The following CORIN variants were observed in gnomAD, a reference collection of about 807,000 sequenced individuals.
The protein encoded by CORIN is corin, serine peptidase, also known as atrial natriuretic peptide-converting enzyme.
In CORIN, 117 loss-of-function variants were observed where a neutral mutation model predicts 125.3. That is an observed-to-expected ratio of 0.93 (90% CI 0.80 to 1.09). The LOEUF is 1.09. CORIN is among the 50% of genes least tolerant of loss of function. CORIN has a pLI of 0.00. For missense variants in CORIN, 1,253 were observed against 1,306.7 expected, an observed-to-expected ratio of 0.96 and a Z score of 0.63; for synonymous variants, 450 against 466.4, an observed-to-expected ratio of 0.96 and a Z score of 0.45.
chr4:47,634,578 G>A (rs1283270277), intron 16 of CORIN, among the ~76,000 whole-genome samples: 1 of 152,284 alleles, frequency 6.6e-6, no homozygotes, highest in South Asian at 2.1e-4. Context: ...AGGTTGCAGT[G>A]AGCCAAGATC....
intron 13 of CORIN, among the ~76,000 whole-genome samples, chr4:47,648,346 C>G (rs9996697): frequency 0.14 from 20,908 of 152,096 alleles, 1,933 homozygotes; most frequent in East Asian, 0.47. Flanking sequence ...CCAAAAAAGT[C>G]ACCAACTCAC....
At chr4:47,625,355 TATAAG>T (rs1320141104) in intron 17 of CORIN, among the ~76,000 whole-genome samples, 5 of 152,172 alleles carry the variant, frequency 3.3e-5, no homozygotes, top group African/African-American at 7.2e-5. Context: ...ATTGCAGTTA[TATAAG>T]ATAACACTTG....
intron 2 of CORIN, among the ~76,000 whole-genome samples, chr4:47,796,104 C>A (rs1731277249): frequency 6.6e-6 from 1 of 152,052 alleles, no homozygotes; most frequent in Non-Finnish European, 1.5e-5. Context: ...ATCCAGCAAT[C>A]CCACTTCTGG....
chr4:47,597,188 C>A (rs1279162269), intron 21 of CORIN, among the ~76,000 whole-genome samples: 1 of 152,034 alleles, frequency 6.6e-6, no homozygotes, highest in South Asian at 2.1e-4. Context: ...CCTGTCTCTA[C>A]TCAAAATACA....
chr4:47,837,330 G>A (rs1347038799), intron 1 of CORIN: 1 of 165,376 alleles, frequency 6.0e-6, no homozygotes, highest in African/African-American at 2.4e-5. Flanking sequence ...GGGCTGTGGA[G>A]GGACCGACAC....
chr4:47,821,708 A>T (rs1459662903), intron 1 of CORIN, among the ~76,000 whole-genome samples: 2 of 152,138 alleles, frequency 1.3e-5, no homozygotes, highest in Admixed American at 1.3e-4. Context: ...TGATTGTCTC[A>T]TTTCTTCCCA....
chr4:47,666,516 A>G lies in CORIN; in HGVS notation c.1358-1253T>C, dbSNP rs114822806. On this transcript the variant is annotated intron_variant, in intron 10 of 21. Transcript: ENST00000273857. Reference sequence around the variant, plus strand: ...TAGTAGAATGTGAACAGGGTAGGATAGAGTTTGCATGAACTGAACATTTGT... The same window carrying G: ...TAGTAGAATGTGAACAGGGTAGGATGGAGTTTGCATGAACTGAACATTTGT... Among the ~76,000 whole-genome samples the G allele has an allele frequency of 6.4e-3, 974 of 152,334 alleles. 11 individuals carry two copies. The highest frequency in any genetic ancestry group is 0.022 in the African/African-American group (933 of 41,584).
At position 47,837,860 on chromosome 4, in the gene CORIN, G is replaced by A. The variant is rs755860946; in HGVS notation, c.63+27C>T. The A allele has an allele frequency of 1.7e-5, 27 of 1,601,176 alleles. No individual in the cohort carries two copies. In the Admixed American group the frequency reaches 3.7e-4, roughly 22 times the overall value. ...CTAAGAGGCCATCACACCTGGCTGC[G>A]GTAGGACAGCGAATCATCGATCTTA... On this transcript the variant is annotated intron_variant, in intron 1 of 21. Coordinates refer to ENST00000273857, the MANE Select transcript of CORIN (RefSeq NM_006587.4).
intron 10 of CORIN, among the ~76,000 whole-genome samples, chr4:47,672,247 A>G (rs1339698938): frequency 6.6e-6 from 1 of 152,212 alleles, no homozygotes; most frequent in Non-Finnish European, 1.5e-5. Flanking sequence ...AATATTGGTC[A>G]GCTCTATGAG....
At chr4:47,703,434 C>T (rs1191930558) in intron 5 of CORIN, among the ~76,000 whole-genome samples, 1 of 152,162 alleles carries the variant, frequency 6.6e-6, no homozygotes, top group African/African-American at 2.4e-5. Context: ...CTGATATCCA[C>T]ACTAATACTG....
intron 2 of CORIN, among the ~76,000 whole-genome samples, chr4:47,806,158 T>G (rs1477450089): frequency 1.3e-5 from 2 of 152,192 alleles, no homozygotes; most frequent in Admixed American, 6.5e-5. Context: ...AAGATTTTTT[T>G]TTTTAATGAA....
At chr4:47,613,413 A>G (rs1380773561) in intron 19 of CORIN, among the ~76,000 whole-genome samples, 3 of 152,196 alleles carry the variant, frequency 2.0e-5, no homozygotes, top group African/African-American at 7.2e-5. Context: ...AGACCGTGCC[A>G]TTGCACTCCA....
chr4:47,806,963 C>G lies in CORIN; in HGVS notation c.148G>C (p.Val50Leu). The change falls in exon 2 of 22, where the codon GTC becomes CTC. Residue 50 changes from valine to leucine, a missense_variant. Val to Leu is a conservative substitution (Grantham distance 32, BLOSUM62 1). Transcript: ENST00000273857. ...TANLLRFLLL[V>L]LIPCICALVL... ...AGAGCACAGATACATGGAATCAGGACCAGCAATAGGAACCGGAGGAGGTTA... is the reference window on the plus strand; with the variant it reads ...AGAGCACAGATACATGGAATCAGGAGCAGCAATAGGAACCGGAGGAGGTTA... 6 of 1,613,876 alleles carry G rather than the reference C, an allele frequency of 3.7e-6. No individual in the cohort carries two copies. The highest frequency in any genetic ancestry group is 4.2e-6 in the Non-Finnish European group (5 of 1,179,802).
rs548621654 is a variant in CORIN at position 47,688,055 on chromosome 4, TA to T, written c.914-4218del. 2.3e-4 allele frequency among the ~76,000 whole-genome samples: 35 copies of T among 151,942 alleles called. No homozygotes were observed. In the South Asian group the frequency reaches 6.5e-3, roughly 28 times the overall value. ...CCCTCCACTCTCACAGTTGTGACAATAAAAAAAAGTCTCCATGCATTGCAAA... is the reference window on the plus strand; with the variant it reads ...CCCTCCACTCTCACAGTTGTGACAATAAAAAAAGTCTCCATGCATTGCAAA... On this transcript the variant is annotated intron_variant, in intron 6 of 21. Coordinates refer to ENST00000273857, the MANE Select transcript of CORIN (RefSeq NM_006587.4).
At position 47,604,653 on chromosome 4, in the gene CORIN, A is replaced by C. The variant is rs74875469; in HGVS notation, c.2541-985T>G. Among the ~76,000 whole-genome samples the C allele has an allele frequency of 6.2e-3, 942 of 152,216 alleles. 13 individuals carry two copies. The highest frequency in any genetic ancestry group is 0.021 in the African/African-American group (886 of 41,528). On this transcript the variant is annotated intron_variant, in intron 19 of 21. Coordinates refer to ENST00000273857, the MANE Select transcript of CORIN (RefSeq NM_006587.4). ...TGAATGCATCAGCAAGTCTTTGCCA[A>C]TCCTGCTTTCAAATATATCCCACAT...
Position 47,792,927 on chromosome 4 carries a change from T to C in CORIN, c.209-6002A>G, listed in dbSNP as rs73150687. Among the ~76,000 whole-genome samples, 518 of 152,324 alleles carry C rather than the reference T, an allele frequency of 3.4e-3. 4 individuals are homozygous for C. Among genetic ancestry groups the C allele is most frequent in the African/African-American group, 0.011 (478 of 41,572 alleles). On this transcript the variant is annotated intron_variant, in intron 2 of 21. Transcript: ENST00000273857. ...TAAATTAACTATTGTTGTTTGTAAA[T>C]CACCAGTATTGGGGGATTTGCTGTT...
rs58818088 is a variant in CORIN, at chr4:47,659,789, G to A, written c.1735+1922C>T. Among the ~76,000 whole-genome samples the A allele has an allele frequency of 8.1e-3, 1,227 of 152,204 alleles. 16 individuals are homozygous for A. The highest frequency in any genetic ancestry group is 0.028 in the African/African-American group (1,147 of 41,516). On this transcript the variant is annotated intron_variant, in intron 12 of 21. Transcript: ENST00000273857. ...TATCCAAACTATATCACTATGTAAA[G>A]CAATCTATAGATTAAATATAATCCC...
intron 5 of CORIN, among the ~76,000 whole-genome samples, chr4:47,724,804 T>C (rs1727512370): frequency 6.6e-6 from 1 of 152,184 alleles, no homozygotes; most frequent in East Asian, 1.9e-4. Context: ...GTTTATGGGA[T>C]TACCTGATTA....
intron 1 of CORIN, among the ~76,000 whole-genome samples, chr4:47,826,506 T>G (rs1459263243): frequency 1.3e-5 from 2 of 152,228 alleles, no homozygotes; most frequent in African/African-American, 4.8e-5. Flanking sequence ...CAGCTTATAG[T>G]GGCTGTGTCT....
Sources: allele counts gnomAD v4.1 joint callset (sites outside exome capture counted in the v4.1 genomes callset), GRCh38; gene constraint gnomAD v4.1.1; transcripts MANE v1.5; gene names NCBI Gene and HGNC (gene_info 2026-07-23, HGNC 2026-07-21).